Variants in ANKFN1 observed in about 807,000 individuals in gnomAD.
ANKFN1 encodes the protein ankyrin repeat and fibronectin type III domain containing 1.
Under a neutral mutation model 108.7 loss-of-function variants are expected in ANKFN1, and 74 were observed. That is an observed-to-expected ratio of 0.68 (90% CI 0.56 to 0.83). The LOEUF (loss-of-function observed/expected upper bound fraction) is 0.83, where lower values mean the gene tolerates loss of function less well. Ranked by LOEUF, ANKFN1 falls within the 40% of genes least tolerant of loss-of-function variation. The pLI is 0.00. For missense variants in ANKFN1, 1,505 were observed against 1,382.3 expected, an observed-to-expected ratio of 1.09 and a Z score of -1.41; for synonymous variants, 547 against 516.2, an observed-to-expected ratio of 1.06 and a Z score of -0.81.
intron 15 of ANKFN1, among the ~76,000 whole-genome samples, chr17:56,474,319 T>C (rs566763412): frequency 2.6e-5 from 4 of 152,216 alleles, no homozygotes; most frequent in Non-Finnish European, 4.4e-5. Flanking sequence ...TCTGAGGTTA[T>C]ACAGTGAAAC....
chr17:56,151,089 G>A (rs112548171), upstream of ANKFN1, among the ~76,000 whole-genome samples: 67 of 152,266 alleles, frequency 4.4e-4, no homozygotes, highest in African/African-American at 1.5e-3. Context: ...GGCTAAGAGT[G>A]TAGTCCCATC....
chr17:56,266,470 C>T (rs771418636), intron 3 of ANKFN1, among the ~76,000 whole-genome samples: 5 of 152,138 alleles, frequency 3.3e-5, no homozygotes, highest in Non-Finnish European at 7.4e-5. Context: ...AAGGTGATAA[C>T]CTACTCTGTG....
intron 4 of ANKFN1, chr17:56,111,187 G>C (rs984274752): frequency 1.3e-5 from 2 of 152,412 alleles, no homozygotes; most frequent in Admixed American, 6.5e-5. Flanking sequence ...CTTTAACCTG[G>C]AGGGAATCCA....
At chr17:56,475,688 T>A (rs1373237297) in intron 15 of ANKFN1, among the ~76,000 whole-genome samples, 1 of 152,206 alleles carries the variant, frequency 6.6e-6, no homozygotes, top group Non-Finnish European at 1.5e-5. Flanking sequence ...ATGTATACAA[T>A]GTAGAATGAC....
At chr17:56,186,988 G>A (rs1429591169) in intron 1 of ANKFN1, among the ~76,000 whole-genome samples, 1 of 152,144 alleles carries the variant, frequency 6.6e-6, no homozygotes, top group Non-Finnish European at 1.5e-5. Context: ...AACCCTAGAA[G>A]AAAACCTAGG....
intron 2 of ANKFN1, among the ~76,000 whole-genome samples, chr17:56,214,301 T>C (rs1337473059): frequency 2.6e-5 from 4 of 152,128 alleles, no homozygotes; most frequent in African/African-American, 9.7e-5. Context: ...AGATACACAG[T>C]GATGATCTCT....
rs151020223 is a variant in ANKFN1 at position 56,405,305 on chromosome 17, T to C, written c.910+30591T>C. ...AAAAGATGTTCAAACTTTCTCATTA[T>C]GCAAGAAATGCAACCTAAAACTAAC... is the stretch of plus-strand genomic sequence containing the variant. On this transcript the variant is annotated intron_variant, in intron 8 of 20. Coordinates refer to ENST00000682825, the MANE Select transcript of ANKFN1 (RefSeq NM_001370326.1). 2.4e-4 allele frequency among the ~76,000 whole-genome samples: 36 copies of C among 152,378 alleles called. No individual in the cohort carries two copies. The East Asian group carries it at 6.0e-3, about 25-fold the overall frequency.
chr17:56,464,205 T>TA (rs921065974), intron 14 of ANKFN1, among the ~76,000 whole-genome samples: 2 of 152,232 alleles, frequency 1.3e-5, no homozygotes, highest in African/African-American at 4.8e-5. Flanking sequence ...CAAGAAGACT[T>TA]ACAGTGCTTT....
chr17:56,070,354 C>T (rs1272398763), intron 4 of ANKFN1, among the ~76,000 whole-genome samples: 1 of 152,154 alleles, frequency 6.6e-6, no homozygotes, highest in East Asian at 1.9e-4. Context: ...AGCTGTGTGA[C>T]TCCAGACTCT....
intron 1 of ANKFN1, among the ~76,000 whole-genome samples, chr17:56,156,998 T>C (rs1049130329): frequency 1.3e-5 from 2 of 152,220 alleles, no homozygotes; most frequent in African/African-American, 4.8e-5. Context: ...TTAATTGGCA[T>C]GGCTTTATTG....
intron 4 of ANKFN1, among the ~76,000 whole-genome samples, chr17:56,108,832 G>A (rs1392623801): frequency 6.6e-6 from 1 of 152,202 alleles, no homozygotes; most frequent in Non-Finnish European, 1.5e-5. Context: ...TGCTTTATAA[G>A]CTGAACCTGT....
chr17:56,281,680 C>CA (rs1420477075), intron 3 of ANKFN1, among the ~76,000 whole-genome samples: 1 of 151,984 alleles, frequency 6.6e-6, no homozygotes, highest in African/African-American at 2.4e-5. Flanking sequence ...TTAAAACAGG[C>CA]AAAAAACTTG....
At chr17:56,123,607 A>G (rs181053631) in intron 4 of ANKFN1, among the ~76,000 whole-genome samples, 1 of 152,336 alleles carries the variant, frequency 6.6e-6, no homozygotes, top group African/African-American at 2.4e-5. Context: ...TTAGTATTGT[A>G]AGTGAAAAGC....
chr17:56,376,745 A>G (rs1395990109), intron 8 of ANKFN1, among the ~76,000 whole-genome samples: 2 of 152,346 alleles, frequency 1.3e-5, no homozygotes, highest in East Asian at 3.9e-4. Context: ...ATGAAAGGTC[A>G]CAAGTGGGTT....
intron 4 of ANKFN1, among the ~76,000 whole-genome samples, chr17:56,057,951 AAT>A (rs1248949419): frequency 3.3e-5 from 5 of 152,216 alleles, no homozygotes; most frequent in African/African-American, 1.2e-4. Context: ...AATGAGCAGT[AAT>A]ATTTTGAAAT....
intron 19 of ANKFN1, among the ~76,000 whole-genome samples, chr17:56,497,261 G>T (rs2051227733): frequency 6.6e-6 from 1 of 152,076 alleles, no homozygotes; most frequent in African/African-American, 2.4e-5. Context: ...CCTTCAAAAT[G>T]GCTTAGTGTC....
chr17:56,450,429 A>G (rs1285549830), intron 11 of ANKFN1, among the ~76,000 whole-genome samples: 1 of 152,196 alleles, frequency 6.6e-6, no homozygotes, highest in African/African-American at 2.4e-5. Flanking sequence ...AAATGAGGAC[A>G]AGTGTTTGGA....
chr17:56,410,386 T>C (rs2048056960), intron 8 of ANKFN1, among the ~76,000 whole-genome samples: 1 of 152,154 alleles, frequency 6.6e-6, no homozygotes, highest in East Asian at 1.9e-4. Context: ...TGAGCCACCA[T>C]GCCAGGCCTA....
chr17:56,225,719 G>T (rs1030476944), intron 2 of ANKFN1, among the ~76,000 whole-genome samples: 5 of 152,196 alleles, frequency 3.3e-5, no homozygotes, highest in Non-Finnish European at 7.3e-5. Flanking sequence ...GAGTTTTTAT[G>T]TAACTCTCTG....
Sources: gnomAD v4.1 joint callset for allele counts (sites outside exome capture counted in the v4.1 genomes callset) on GRCh38, gnomAD v4.1.1 for gene constraint, MANE v1.5 for transcripts, NCBI Gene and HGNC (gene_info 2026-07-23, HGNC 2026-07-21) for gene names.